GSK3B: variants seen among roughly 807,000 people sequenced by gnomAD.
GSK3B encodes glycogen synthase kinase 3 beta, also known as glycogen synthase kinase-3 beta.
A neutral mutation model predicts 56.4 loss-of-function variants in GSK3B; 15 were observed. The ratio of observed to expected loss-of-function variants is 0.27; its 90% CI spans 0.18 to 0.41. GSK3B has a LOEUF of 0.41. GSK3B is among the 10% of genes least tolerant of loss of function. GSK3B has a pLI of 1.00. For synonymous variants in GSK3B, 181 were observed against 188.9 expected (o/e 0.96, Z 0.34); for missense variants, 300 against 513.4 (o/e 0.58, Z 4.02).
rs959930255 is a variant in GSK3B, at chr3:119,822,945, G to A, written c.*3843C>T. 4.4e-6 allele frequency: 1 copy of A among 229,266 alleles called. No individual in the cohort carries two copies. The highest frequency in any genetic ancestry group is 1.8e-4 in the South Asian group (1 of 5,494). 14.2% of individuals were successfully genotyped at this position (229,266 alleles called of 1,614,324 possible). On this transcript the variant is annotated 3_prime_UTR_variant, in exon 11 of 11. Coordinates refer to ENST00000264235, the MANE Select transcript of GSK3B (RefSeq NM_001146156.2). ...GTGTCTTCATATCCACAGGGATAGA[G>A]AATACTCCTCTCAGAAACCTTTGCA... is the stretch of plus-strand genomic sequence containing the variant.
chr3:120,019,691 G>A (rs1180133255), intron 1 of GSK3B, among the ~76,000 whole-genome samples: 1 of 152,116 alleles, frequency 6.6e-6, no homozygotes, highest in African/African-American at 2.4e-5. Flanking sequence ...AGAAATGCCA[G>A]CAACCTATAA....
In GSK3B at chr3:120,002,130, T is replaced by A. The variant is rs2057683327; in HGVS notation, c.198A>T (p.Ser66=). 1 of 1,612,440 alleles carries A rather than the reference T, an allele frequency of 6.2e-7. No individual in the cohort carries two copies. Among genetic ancestry groups the A allele is most frequent in the African/African-American group, 1.3e-5 (1 of 74,778 alleles). The change falls in exon 2 of 11, where the codon TCA becomes TCT. Residue 66 remains serine (S), a synonymous_variant. Coordinates refer to ENST00000264235, the MANE Select transcript of GSK3B (RefSeq NM_001146156.2). ...YTDTKVIGNG[S]FGVVYQAKLC... The stretch of plus-strand genomic sequence containing the variant: ...GTTTGGCTTGATATACCACACCAAA[T>A]GATCCATTTCCAATCACTTTAGTGT...
chr3:119,853,978 G>A (rs755997988), intron 9 of GSK3B, among the ~76,000 whole-genome samples: 6 of 152,190 alleles, frequency 3.9e-5, no homozygotes, highest in Non-Finnish European at 5.9e-5. Context: ...TGGTGAGAAA[G>A]GGAACCCCTG....
chr3:119,896,217 A>G (rs78724420), intron 7 of GSK3B, among the ~76,000 whole-genome samples: 3,925 of 151,950 alleles, frequency 0.026, 171 homozygotes, highest in African/African-American at 0.088. Flanking sequence ...ATAAAAATTT[A>G]TACTTGGAAA....
chr3:119,919,989 T>C (rs1181140192), intron 4 of GSK3B, among the ~76,000 whole-genome samples: 2 of 152,114 alleles, frequency 1.3e-5, no homozygotes, highest in Non-Finnish European at 2.9e-5. Flanking sequence ...ATTTTAAAAA[T>C]GGTAGGATAA....
chr3:119,889,671 C>T (rs901523614), intron 7 of GSK3B, among the ~76,000 whole-genome samples: 3 of 152,040 alleles, frequency 2.0e-5, no homozygotes, highest in African/African-American at 7.2e-5. Flanking sequence ...AAAACAAATA[C>T]GAAGGTGCAA....
In GSK3B at chr3:119,831,249, T is replaced by G. The variant is rs1026236585; in HGVS notation, c.1196-4394A>C. 5.9e-5 allele frequency among the ~76,000 whole-genome samples: 9 copies of G among 152,190 alleles called. 1 individual carries two copies. The South Asian group carries it at 6.2e-4, about 11-fold the overall frequency. On this transcript the variant is annotated intron_variant, in intron 10 of 10. Coordinates refer to ENST00000264235, the MANE Select transcript of GSK3B (RefSeq NM_001146156.2). ...GGCAGTAGGTGGCAGCAGAAAAGAT[T>G]TCCTAGCAAAAGAAGAAAAGAGATT...
intron 7 of GSK3B, among the ~76,000 whole-genome samples, chr3:119,890,274 A>G (rs2056487193): frequency 6.6e-6 from 1 of 152,170 alleles, no homozygotes; most frequent in African/African-American, 2.4e-5. Context: ...AAATTGTGGT[A>G]TACTCATAAA....
rs536125380 is a variant in GSK3B, at chr3:119,877,927, T to C, written c.814-1419A>G. Among the ~76,000 whole-genome samples the C allele has an allele frequency of 1.0e-3, 156 of 152,290 alleles. 1 individual carries two copies. The highest frequency in any genetic ancestry group is 3.6e-3 in the African/African-American group (151 of 41,574). On this transcript the variant is annotated intron_variant, in intron 7 of 10. Transcript: ENST00000264235. ...TTTATAAGACCGTGTATAAATCAAATTTATTGAAATAAAATATTAAACCAG... is the reference window on the plus strand; with the variant it reads ...TTTATAAGACCGTGTATAAATCAAACTTATTGAAATAAAATATTAAACCAG...
chr3:119,955,799 G>A (rs999213408), intron 2 of GSK3B, among the ~76,000 whole-genome samples: 8 of 151,956 alleles, frequency 5.3e-5, no homozygotes, highest in East Asian at 3.9e-4. Context: ...GATTACAGGC[G>A]CCTGCCACCA....
At chr3:119,897,629 T>C (rs2056581884) in intron 7 of GSK3B, among the ~76,000 whole-genome samples, 1 of 151,738 alleles carries the variant, frequency 6.6e-6, no homozygotes, top group African/African-American at 2.4e-5. Flanking sequence ...ATTTTCAAAG[T>C]AGTCCATGAT....
chr3:119,957,388 C>T (rs925542469), intron 2 of GSK3B, among the ~76,000 whole-genome samples: 2 of 152,190 alleles, frequency 1.3e-5, no homozygotes, highest in African/African-American at 2.4e-5. Flanking sequence ...AGAAACAACA[C>T]AAAGGATGCC....
intron 8 of GSK3B, among the ~76,000 whole-genome samples, chr3:119,873,225 G>C (rs1265262972): frequency 6.6e-6 from 1 of 151,960 alleles, no homozygotes; most frequent in Non-Finnish European, 1.5e-5. Flanking sequence ...CACCACACTG[G>C]GATCATCTCA....
intron 2 of GSK3B, among the ~76,000 whole-genome samples, chr3:119,974,041 T>C (rs1189446296): frequency 6.6e-6 from 1 of 152,212 alleles, no homozygotes; most frequent in Non-Finnish European, 1.5e-5. Flanking sequence ...CTAGGTGTCC[T>C]TGGGTTTGGT....
intron 4 of GSK3B, among the ~76,000 whole-genome samples, chr3:119,917,988 T>C (rs948237406): frequency 6.6e-6 from 1 of 152,126 alleles, no homozygotes; most frequent in Non-Finnish European, 1.5e-5. Context: ...AATAACCTTA[T>C]GTAATAAGTA....
rs1259131983 is a variant in GSK3B, at chr3:120,094,008, A to AG, written c.-575dup. On this transcript the variant is annotated 5_prime_UTR_variant, in exon 1 of 11. Coordinates refer to ENST00000264235, the MANE Select transcript of GSK3B (RefSeq NM_001146156.2). ...TGACGGCAGGGGCCCGGCGAACTAG[A>AG]GGGCGGCGGAGTCGCGAGTCAGTCA... 1 of 216,946 alleles carries AG rather than the reference A, an allele frequency of 4.6e-6. No individual in the cohort carries two copies. Among genetic ancestry groups the AG allele is most frequent in the Non-Finnish European group, 9.4e-6 (1 of 106,592 alleles). 13.4% of individuals were successfully genotyped at this position (216,946 alleles called of 1,614,324 possible). A position where few individuals can be genotyped will look rare whatever the true frequency, so the allele number is the denominator to read the frequency against.
At chr3:119,898,546 A>G (rs2056593006) in intron 7 of GSK3B, among the ~76,000 whole-genome samples, 1 of 152,130 alleles carries the variant, frequency 6.6e-6, no homozygotes, top group Non-Finnish European at 1.5e-5. Flanking sequence ...ACACAACTCA[A>G]TGGGTTCTGG....
At chr3:119,859,175 T>G (rs2056064880) in intron 9 of GSK3B, among the ~76,000 whole-genome samples, 1 of 97,808 alleles carries the variant, frequency 1.0e-5, no homozygotes, top group African/African-American at 3.3e-5. Flanking sequence ...AACGTTTTAT[T>G]TGTGTATATA....
chr3:119,976,955 C>T (rs910536121), intron 2 of GSK3B, among the ~76,000 whole-genome samples: 6 of 151,978 alleles, frequency 3.9e-5, no homozygotes, highest in Non-Finnish European at 7.4e-5. Flanking sequence ...TGCCTTATAT[C>T]AAGTTTTATT....
Sources: gnomAD v4.1 joint callset for allele counts (sites outside exome capture counted in the v4.1 genomes callset) on GRCh38, gnomAD v4.1.1 for gene constraint, MANE v1.5 for transcripts, NCBI Gene and HGNC (gene_info 2026-07-23, HGNC 2026-07-21) for gene names.